TBCK: variants seen among roughly 807,000 people sequenced by gnomAD.
The protein encoded by TBCK is TBC domain-containing protein kinase-like protein.
A neutral mutation model predicts 113.4 loss-of-function variants in TBCK; 99 were observed. The observed-to-expected ratio is 0.87, with a 90% CI of 0.74 to 1.03. TBCK has a LOEUF of 1.03. Ranked by LOEUF, TBCK falls within the 50% of genes least tolerant of loss-of-function variation. The pLI, the probability that TBCK is intolerant of heterozygous loss-of-function variation, is 0.00. For missense variants in TBCK, 1,045 were observed against 1,061.3 expected, an observed-to-expected ratio of 0.98 and a Z score of 0.21; for synonymous variants, 369 against 370.8, an observed-to-expected ratio of 1.00 and a Z score of 0.05.
intron 3 of TBCK, among the ~76,000 whole-genome samples, chr4:106,285,075 C>T (rs1423643276): frequency 1.3e-5 from 2 of 152,018 alleles, no homozygotes; most frequent in Admixed American, 1.3e-4. Context: ...AAGAGAAATG[C>T]TGGCAAGATT....
intron 20 of TBCK, among the ~76,000 whole-genome samples, chr4:106,199,185 C>T (rs922666455): frequency 9.9e-5 from 15 of 152,138 alleles, no homozygotes; most frequent in African/African-American, 3.6e-4. Context: ...TTACCTTGGT[C>T]ATCAATAATT....
At chr4:106,070,504 G>A (rs945455744) in intron 25 of TBCK, among the ~76,000 whole-genome samples, 5 of 152,210 alleles carry the variant, frequency 3.3e-5, no homozygotes, top group African/African-American at 1.2e-4. Context: ...CTTGATCTTG[G>A]TGGATAAGCT....
chr4:106,212,677 T>G, intron 20 of TBCK, 73 bp downstream of exon 20: 8 of 1,090,056 alleles, frequency 7.3e-6, no homozygotes, highest in Non-Finnish European at 1.1e-5. Flanking sequence ...ATTAAGAAAA[T>G]ACACTCTTCT....
At chr4:106,261,061 TTAATAAA>T (rs1762460303) in intron 4 of TBCK, among the ~76,000 whole-genome samples, 2 of 152,230 alleles carry the variant, frequency 1.3e-5, no homozygotes, top group African/African-American at 2.4e-5. Flanking sequence ...TATAAGGCTC[TTAATAAA>T]TGATAAATAT....
At chr4:106,201,951 T>C (rs1754933785) in intron 20 of TBCK, among the ~76,000 whole-genome samples, 1 of 152,046 alleles carries the variant, frequency 6.6e-6, no homozygotes, top group South Asian at 2.1e-4. Flanking sequence ...TATACAGACA[T>C]TCCAGAAAAG....
chr4:106,199,987 C>T (rs539210120), intron 20 of TBCK, among the ~76,000 whole-genome samples: 12 of 152,264 alleles, frequency 7.9e-5, no homozygotes, highest in Non-Finnish European at 1.2e-4. Context: ...CCACCTCTAA[C>T]AATAAAAGCC....
At chr4:106,108,037 C>A in intron 24 of TBCK, among the ~76,000 whole-genome samples, 1 of 151,926 alleles carries the variant, frequency 6.6e-6, no homozygotes, top group East Asian at 1.9e-4. Context: ...ACATATACAC[C>A]CTCCGAAGAC....
chr4:106,254,563 T>C (rs974414593), intron 5 of TBCK, among the ~76,000 whole-genome samples: 2 of 152,266 alleles, frequency 1.3e-5, no homozygotes, highest in Non-Finnish European at 2.9e-5. Flanking sequence ...TTAAACTTTT[T>C]TCCTTATACT....
chr4:106,159,616 A>G (rs1032316347), intron 23 of TBCK, among the ~76,000 whole-genome samples: 19 of 152,138 alleles, frequency 1.2e-4, no homozygotes, highest in Admixed American at 2.6e-4. Flanking sequence ...AAGAATGCTG[A>G]AAGAAATTTA....
chr4:106,092,042 GAC>G (rs1225911597), intron 25 of TBCK, among the ~76,000 whole-genome samples: 2 of 152,314 alleles, frequency 1.3e-5, no homozygotes, highest in African/African-American at 4.8e-5. Context: ...CCCTGAGCTA[GAC>G]ACAGAGTGCT....
In TBCK at chr4:106,266,050, A is replaced by T. The variant is rs190393740; in HGVS notation, c.267-3838T>A. ...AACAAGCATAATTTGGGATAAACAG[A>T]GTTTTCATAAACATCTTCAAAAAAT... On this transcript the variant is annotated intron_variant, in intron 3 of 25. Transcript: ENST00000394708. Among the ~76,000 whole-genome samples, 75 of 151,920 alleles carry T rather than the reference A, an allele frequency of 4.9e-4. No individual in the cohort carries two copies. In the East Asian group the frequency reaches 7.9e-3, roughly 16 times the overall value.
chr4:106,297,540 C>A (rs1016166460), intron 2 of TBCK, among the ~76,000 whole-genome samples: 2 of 152,224 alleles, frequency 1.3e-5, no homozygotes, highest in Non-Finnish European at 2.9e-5. Flanking sequence ...GATCTTCTCA[C>A]ATTAATTCCT....
intron 22 of TBCK, among the ~76,000 whole-genome samples, chr4:106,183,778 T>G (rs1752683279): frequency 6.6e-6 from 1 of 152,074 alleles, no homozygotes; most frequent in African/African-American, 2.4e-5. Flanking sequence ...TTGCTTTGCT[T>G]TTTTGTTCCA....
intron 17 of TBCK, among the ~76,000 whole-genome samples, chr4:106,232,318 C>G (rs1473769175): frequency 6.6e-6 from 1 of 151,658 alleles, no homozygotes; most frequent in Non-Finnish European, 1.5e-5. Context: ...TAGAATAGCT[C>G]TGAAATACAC....
intron 22 of TBCK, among the ~76,000 whole-genome samples, chr4:106,185,816 T>C (rs1204096540): frequency 6.6e-6 from 1 of 152,150 alleles, no homozygotes; most frequent in Non-Finnish European, 1.5e-5. Flanking sequence ...GGTGTATAGA[T>C]TATTTCATTA....
At chr4:106,125,373 C>G (rs1745067367) in intron 23 of TBCK, among the ~76,000 whole-genome samples, 1 of 152,016 alleles carries the variant, frequency 6.6e-6, no homozygotes, top group South Asian at 2.1e-4. Flanking sequence ...TTAATATACA[C>G]AATGAATTAC....
chr4:106,223,682 C>T (rs1037420113), intron 19 of TBCK, among the ~76,000 whole-genome samples: 4 of 152,012 alleles, frequency 2.6e-5, no homozygotes, highest in Admixed American at 1.3e-4. Flanking sequence ...TTTACCTTTC[C>T]GACTTGTAGC....
chr4:106,204,289 A>C (rs1292415510), intron 20 of TBCK, among the ~76,000 whole-genome samples: 1 of 152,232 alleles, frequency 6.6e-6, no homozygotes, highest in Non-Finnish European at 1.5e-5. Flanking sequence ...AATAGCCAGA[A>C]TTTAGAACCC....
At chr4:106,291,123 T>C (rs1579530982) in intron 3 of TBCK, among the ~76,000 whole-genome samples, 1 of 152,174 alleles carries the variant, frequency 6.6e-6, no homozygotes, top group South Asian at 2.1e-4. Flanking sequence ...GTACTTCAAG[T>C]GTACAGCTGC....
Sources: gnomAD v4.1 joint callset for allele counts (sites outside exome capture counted in the v4.1 genomes callset) on GRCh38, gnomAD v4.1.1 for gene constraint, MANE v1.5 for transcripts, NCBI Gene and HGNC (gene_info 2026-07-23, HGNC 2026-07-21) for gene names.